CELF2: variants seen among roughly 807,000 people sequenced by gnomAD.
CELF2 encodes CUG triplet repeat RNA-binding protein 2.
Under a neutral mutation model 62.6 loss-of-function variants are expected in CELF2, and 8 were observed. The ratio of observed to expected loss-of-function variants is 0.13; its 90% CI spans 0.07 to 0.23. The LOEUF (loss-of-function observed/expected upper bound fraction) is 0.23, where lower values mean the gene tolerates loss of function less well. Ranked by LOEUF, CELF2 falls within the 10% of genes least tolerant of loss-of-function variation. The pLI is 1.00. For synonymous variants in CELF2, 258 were observed against 250.0 expected, an observed-to-expected ratio of 1.03 and a Z score of -0.30; for missense variants, 333 against 671.0, an observed-to-expected ratio of 0.50 and a Z score of 5.56.
chr10:10,540,153 T>C, the CELF2 span, among the ~76,000 whole-genome samples: 2 of 152,286 alleles, frequency 1.3e-5, no homozygotes, highest in East Asian at 1.9e-4. Context: ...CTTCCTCAGA[T>C]GAAAAGGGAC....
At chr10:10,614,244 C>T in the CELF2 span, among the ~76,000 whole-genome samples, 13 of 152,104 alleles carry the variant, frequency 8.5e-5, no homozygotes, top group Admixed American at 2.6e-4. Flanking sequence ...TAATTTTAGC[C>T]ATTTTTATTA....
chr10:10,552,188 C>T, the CELF2 span, among the ~76,000 whole-genome samples: 53 of 152,228 alleles, frequency 3.5e-4, no homozygotes, highest in African/African-American at 1.1e-3. Context: ...CTTCTCCACA[C>T]TGTAAAATAA....
chr10:10,730,965 C>G, the CELF2 span, among the ~76,000 whole-genome samples: 4 of 152,172 alleles, frequency 2.6e-5, no homozygotes, highest in Non-Finnish European at 4.4e-5. Context: ...TTTGAAGTCC[C>G]TGATATTGTC....
intron 2 of CELF2, among the ~76,000 whole-genome samples, chr10:10,999,877 T>G (rs985077286): frequency 1.3e-5 from 2 of 152,236 alleles, no homozygotes; most frequent in Non-Finnish European, 2.9e-5. Flanking sequence ...GATGCCCAGA[T>G]AATGGTCGAG....
intron 3 of CELF2, among the ~76,000 whole-genome samples, chr10:11,219,159 G>C (rs1322203832): frequency 6.6e-6 from 1 of 152,178 alleles, no homozygotes; most frequent in Non-Finnish European, 1.5e-5. Flanking sequence ...TGCAGAGCTT[G>C]GTGAATATGT....
chr10:10,935,723 T>C (rs906339798), intron 2 of CELF2, among the ~76,000 whole-genome samples: 3 of 152,222 alleles, frequency 2.0e-5, no homozygotes, highest in African/African-American at 4.8e-5. Context: ...TGGTATCACA[T>C]TGATTTTTAG....
At chr10:11,200,856 G>GTACAAGTTGTTTTCCCTCTGAGC in intron 2 of CELF2, among the ~76,000 whole-genome samples, 1 of 152,230 alleles carries the variant, frequency 6.6e-6, no homozygotes, top group East Asian at 1.9e-4. Flanking sequence ...GAGTCGCACC[G>GTACAAGTTGTTTTCCCTCTGAGC]TACAAGTTGT....
the CELF2 span, among the ~76,000 whole-genome samples, chr10:10,715,999 A>G: frequency 2.0e-5 from 3 of 152,174 alleles, no homozygotes; most frequent in Non-Finnish European, 4.4e-5. Context: ...CTGCATTTTA[A>G]AAACAAACTT....
At chr10:10,955,197 G>A in intron 2 of CELF2, among the ~76,000 whole-genome samples, 1 of 152,222 alleles carries the variant, frequency 6.6e-6, no homozygotes, top group African/African-American at 2.4e-5. Context: ...AGAGGCAATA[G>A]GTAACCTGCT....
intron 6 of CELF2, among the ~76,000 whole-genome samples, chr10:11,266,892 C>T (rs1306474380): frequency 6.6e-6 from 1 of 152,116 alleles, no homozygotes; most frequent in African/African-American, 2.4e-5. Context: ...TTTAGGAAAA[C>T]CTTCCACTTG....
At chr10:11,054,455 T>C (rs973640408) in intron 1 of CELF2, among the ~76,000 whole-genome samples, 1 of 151,408 alleles carries the variant, frequency 6.6e-6, no homozygotes, top group East Asian at 2.0e-4. Flanking sequence ...TTCATCATAA[T>C]TTTTTAAAGA....
At chr10:10,465,535 A>T in the CELF2 span, among the ~76,000 whole-genome samples, 1 of 152,194 alleles carries the variant, frequency 6.6e-6, no homozygotes, top group South Asian at 2.1e-4. Context: ...TATGGATGTA[A>T]GTAGTCTTAA....
chr10:11,257,140 C>T (rs887051828), intron 4 of CELF2, among the ~76,000 whole-genome samples: 2 of 151,994 alleles, frequency 1.3e-5, no homozygotes, highest in African/African-American at 4.8e-5. Flanking sequence ...CCTAGCTCCC[C>T]AGAGACGTAA....
chr10:11,252,893 A>G (rs1383538242), intron 4 of CELF2, among the ~76,000 whole-genome samples: 1 of 152,162 alleles, frequency 6.6e-6, no homozygotes, highest in Non-Finnish European at 1.5e-5. Flanking sequence ...TTGCAGAAAG[A>G]CAAATGGCGG....
the CELF2 span, among the ~76,000 whole-genome samples, chr10:10,791,395 A>G: frequency 9.9e-5 from 15 of 152,262 alleles, no homozygotes; most frequent in Admixed American, 7.8e-4. Context: ...TTTGCCAGTA[A>G]ACAAAGATGT....
the CELF2 span, among the ~76,000 whole-genome samples, chr10:10,645,685 TG>T: frequency 6.6e-6 from 1 of 152,178 alleles, no homozygotes; most frequent in African/African-American, 2.4e-5. Flanking sequence ...GCTTGATTAA[TG>T]GTTAGATGAT....
intron 8 of CELF2, among the ~76,000 whole-genome samples, chr10:11,283,754 G>C (rs1321463725): frequency 4.0e-5 from 6 of 151,308 alleles, no homozygotes; most frequent in African/African-American, 1.5e-4. Flanking sequence ...TGGTGGCTCT[G>C]CTTGTCATTA....
At chr10:10,807,891 C>T (rs2055399589) in intron 1 of CELF2, among the ~76,000 whole-genome samples, 1 of 152,126 alleles carries the variant, frequency 6.6e-6, no homozygotes, top group Admixed American at 6.6e-5. Context: ...AGGATGGTAT[C>T]AAGGTTATGT....
At chr10:11,135,896 C>T (rs1299724618) in intron 1 of CELF2, among the ~76,000 whole-genome samples, 1 of 152,176 alleles carries the variant, frequency 6.6e-6, no homozygotes, top group African/African-American at 2.4e-5. Context: ...CACTCTAGAC[C>T]TGCTGAATCA....
Sources: allele counts gnomAD v4.1 joint callset (sites outside exome capture counted in the v4.1 genomes callset), GRCh38; gene constraint gnomAD v4.1.1; transcripts MANE v1.5; gene names NCBI Gene and HGNC (gene_info 2026-07-23, HGNC 2026-07-21).